CEP112: variants seen among roughly 807,000 people sequenced by gnomAD.
The protein encoded by CEP112 is centrosomal protein of 112 kDa.
CEP112 carries 127 observed loss-of-function variants against 153.0 expected under a neutral mutation model. The ratio of observed to expected loss-of-function variants is 0.83; its 90% confidence interval spans 0.72 to 0.96. CEP112 has a LOEUF of 0.96. Among genes scored for constraint, CEP112 ranks in the 40% least tolerant of loss-of-function variants. CEP112 has a pLI of 0.00. For missense variants in CEP112, 1,089 were observed against 1,101.2 expected, an observed-to-expected ratio of 0.99 and a Z score of 0.16; for synonymous variants, 358 against 374.4, an observed-to-expected ratio of 0.96 and a Z score of 0.51.
intron 8 of CEP112, among the ~76,000 whole-genome samples, chr17:66,086,247 C>T (rs1598322382): frequency 6.6e-6 from 1 of 151,916 alleles, no homozygotes; most frequent in Middle Eastern, 3.2e-3. Context: ...TAGATGAGAA[C>T]ATGCACAAGA....
chr17:66,163,177 A>G (rs544454423), intron 4 of CEP112, among the ~76,000 whole-genome samples: 14 of 152,296 alleles, frequency 9.2e-5, no homozygotes, highest in African/African-American at 3.4e-4. Context: ...GGCTAGGTTG[A>G]AAGTATAGAA....
Position 65,991,713 on chromosome 17 carries a change from C to T in CEP112, c.1736+13977G>A, listed in dbSNP as rs894216709. Among the ~76,000 whole-genome samples the T allele has an allele frequency of 1.3e-5, 2 of 152,018 alleles. 1 individual carries two copies. Among genetic ancestry groups the T allele is most frequent in the Non-Finnish European group, 2.9e-5 (2 of 67,966 alleles). On this transcript the variant is annotated intron_variant, in intron 17 of 26. Coordinates refer to ENST00000535342, the MANE Select transcript of CEP112 (RefSeq NM_001199165.4). The stretch of plus-strand genomic sequence containing the variant: ...TTTACTATTCAAGTTTGCAGGCTTC[C>T]TTTTAGGCTATTTCTAGATGTCTCC...
At chr17:65,652,036 T>C (rs984888309) in intron 24 of CEP112, among the ~76,000 whole-genome samples, 2 of 152,170 alleles carry the variant, frequency 1.3e-5, no homozygotes. Flanking sequence ...TAAGGTGTTA[T>C]ACAAATGGCA....
chr17:66,063,588 T>C (rs991359168), intron 10 of CEP112, among the ~76,000 whole-genome samples: 2 of 152,070 alleles, frequency 1.3e-5, no homozygotes, highest in Admixed American at 1.3e-4. Context: ...GTCTCAGACT[T>C]CACCACTGTA....
At chr17:66,058,864 A>T (rs369435650) in intron 11 of CEP112, among the ~76,000 whole-genome samples, 1 of 152,068 alleles carries the variant, frequency 6.6e-6, no homozygotes, top group African/African-American at 2.4e-5. Flanking sequence ...AACCAAAATA[A>T]AACAAAAGAA....
chr17:66,071,462 C>T (rs1210462778), intron 8 of CEP112, among the ~76,000 whole-genome samples: 1 of 152,068 alleles, frequency 6.6e-6, no homozygotes, highest in African/African-American at 2.4e-5. Context: ...GTCTAAGAGA[C>T]ATGATTCATT....
intron 11 of CEP112, among the ~76,000 whole-genome samples, chr17:66,054,808 G>T (rs892639778): frequency 6.6e-6 from 1 of 152,230 alleles, no homozygotes; most frequent in African/African-American, 2.4e-5. Flanking sequence ...CCAGGCTGGA[G>T]TGCAGTGGTG....
chr17:66,108,759 C>T (rs147150494), intron 6 of CEP112, among the ~76,000 whole-genome samples: 78 of 152,230 alleles, frequency 5.1e-4, no homozygotes, highest in Non-Finnish European at 7.5e-4. Context: ...AATCCCACTG[C>T]TAGGTATATA....
chr17:65,777,185 T>C (rs10083875), intron 21 of CEP112, among the ~76,000 whole-genome samples: 80,424 of 152,046 alleles, frequency 0.53, 23,152 homozygotes, highest in Non-Finnish European at 0.66. Context: ...TTCTTCTCTG[T>C]CCACTTCCCA....
At chr17:65,989,347 G>C (rs537905501) in intron 17 of CEP112, among the ~76,000 whole-genome samples, 10 of 151,724 alleles carry the variant, frequency 6.6e-5, no homozygotes, top group Non-Finnish European at 1.5e-4. Context: ...AAGACAAAGA[G>C]AGAATCCTAA....
chr17:65,699,782 T>G (rs900586951), intron 23 of CEP112, among the ~76,000 whole-genome samples: 7 of 152,148 alleles, frequency 4.6e-5, no homozygotes, highest in African/African-American at 1.4e-4. Context: ...GGCGCACCAC[T>G]GCACCTGGCT....
At chr17:65,718,604 G>GCTTT (rs1238779813) in intron 23 of CEP112, among the ~76,000 whole-genome samples, 1 of 151,984 alleles carries the variant, frequency 6.6e-6, no homozygotes, top group Non-Finnish European at 1.5e-5. Context: ...GTTTAGTTTA[G>GCTTT]CTTTCTTTCT....
At chr17:66,055,508 A>G (rs1362165899) in intron 11 of CEP112, among the ~76,000 whole-genome samples, 1 of 152,170 alleles carries the variant, frequency 6.6e-6, no homozygotes, top group Non-Finnish European at 1.5e-5. Context: ...CATGATAGTA[A>G]CTCAGATAAT....
chr17:66,129,828 A>G lies in CEP112; in HGVS notation c.565-5T>C, dbSNP rs747537957. On this transcript the variant is annotated splice_region_variant and splice_polypyrimidine_tract_variant and intron_variant, in intron 5 of 26. Coordinates refer to ENST00000535342, the MANE Select transcript of CEP112 (RefSeq NM_001199165.4). ...AGATTTTTTCGAATAAACTTCCTGA[A>G]ATACAAAAGGGAAAAAGGAAGAGGA... The G allele has an allele frequency of 3.1e-5, 50 of 1,589,356 alleles. No homozygotes were observed. Among genetic ancestry groups the G allele is most frequent in the Non-Finnish European group, 4.1e-5 (48 of 1,158,664 alleles).
Position 65,743,054 on chromosome 17 carries a change from A to G in CEP112, c.2607+14T>C, listed in dbSNP as rs2051222779. The stretch of plus-strand genomic sequence containing the variant: ...AGCAGCTGGTACCACTGGTTACTGA[A>G]GTCTTCAGATTACCTTGATTGCTTG... On this transcript the variant is annotated intron_variant, in intron 23 of 26. Coordinates refer to ENST00000535342, the MANE Select transcript of CEP112 (RefSeq NM_001199165.4). 9 of 1,593,526 alleles carry G rather than the reference A, an allele frequency of 5.6e-6. No homozygotes were observed. The highest frequency in any genetic ancestry group is 7.7e-6 in the Non-Finnish European group (9 of 1,170,438).
At chr17:65,940,243 T>C (rs2061466658) in intron 18 of CEP112, among the ~76,000 whole-genome samples, 1 of 152,230 alleles carries the variant, frequency 6.6e-6, no homozygotes, top group Non-Finnish European at 1.5e-5. Flanking sequence ...GAACAAGTGC[T>C]GCTGAGGATG....
chr17:66,021,779 C>T (rs1435472019), intron 16 of CEP112, among the ~76,000 whole-genome samples: 3 of 152,190 alleles, frequency 2.0e-5, no homozygotes, highest in Non-Finnish European at 2.9e-5. Flanking sequence ...CAGTCCAGCT[C>T]TGCCCAGATT....
chr17:65,888,372 C>G (rs2059355420), intron 20 of CEP112, among the ~76,000 whole-genome samples: 1 of 152,052 alleles, frequency 6.6e-6, no homozygotes, highest in African/African-American at 2.4e-5. Context: ...AGAATCCTTG[C>G]AGGGGAGGCC....
intron 11 of CEP112, among the ~76,000 whole-genome samples, chr17:66,062,130 T>A (rs919672942): frequency 2.0e-5 from 3 of 152,262 alleles, no homozygotes; most frequent in African/African-American, 7.2e-5. Context: ...CCAGCCATGC[T>A]GAACCGTGAG....
Sources: gnomAD v4.1 joint callset for allele counts (sites outside exome capture counted in the v4.1 genomes callset) on GRCh38, gnomAD v4.1.1 for gene constraint, MANE v1.5 for transcripts, NCBI Gene and HGNC (gene_info 2026-07-23, HGNC 2026-07-21) for gene names.